KBTBD3: variants seen among roughly 807,000 people sequenced by gnomAD.
KBTBD3 encodes the protein kelch repeat and BTB domain-containing protein 3.
KBTBD3 carries 38 observed loss-of-function variants against 49.6 expected under a neutral mutation model. The observed-to-expected ratio is 0.77, with a 90% CI of 0.59 to 1.00. KBTBD3 has a LOEUF of 1.00. KBTBD3 is among the 50% of genes least tolerant of loss of function. The probability of loss-of-function intolerance (pLI) is 0.00; values close to 1 mark genes in which losing one functional copy is unlikely to be tolerated. For missense variants in KBTBD3, 661 were observed against 712.0 expected (o/e 0.93, Z 0.81); for synonymous variants, 214 against 250.4 (o/e 0.85, Z 1.37).
chr11:106,066,317 C>T (rs11826859), intron 2 of KBTBD3, among the ~76,000 whole-genome samples: 1 of 152,064 alleles, frequency 6.6e-6, no homozygotes, highest in Non-Finnish European at 1.5e-5. Flanking sequence ...AATGAAGGTA[C>T]CGGGATTTAT....
intron 2 of KBTBD3, among the ~76,000 whole-genome samples, chr11:106,066,927 G>A (rs2135016548): frequency 6.6e-6 from 1 of 152,162 alleles, no homozygotes; most frequent in Admixed American, 6.5e-5. Context: ...GATGAAAAGT[G>A]GAAAGATGAA....
intron 2 of KBTBD3, among the ~76,000 whole-genome samples, chr11:106,073,039 G>A (rs1302882228): frequency 4.6e-5 from 7 of 152,076 alleles, no homozygotes; most frequent in African/African-American, 1.7e-4. Context: ...AATAACAAAA[G>A]GGGTAACAGG....
Position 106,054,265 on chromosome 11 carries a change from T to C in KBTBD3, c.424A>G (p.Ser142Gly). Reference protein sequence around the residue: ...LQVSFLSKACSDFLIKSINLV... With the variant: ...LQVSFLSKACGDFLIKSINLV... ...TTAATACTTTTTATTAAAAAGTCAC[T>C]GCAAGCTTTGGATAGGAAGGAAACT... The change falls in exon 4 of 4, where the codon AGT becomes GGT. Residue 142 changes from serine to glycine, a missense_variant. Physicochemically the swap from Ser to Gly is moderately conservative, Grantham distance 56. Coordinates refer to ENST00000531837, the MANE Select transcript of KBTBD3 (RefSeq NM_198439.3). 2 of 1,612,644 alleles carry C rather than the reference T, an allele frequency of 1.2e-6. No individual in the cohort carries two copies. The highest frequency in any genetic ancestry group is 1.7e-6 in the Non-Finnish European group (2 of 1,179,278).
At chr11:106,055,783 G>T (rs1035589406) in intron 3 of KBTBD3, among the ~76,000 whole-genome samples, 1 of 151,962 alleles carries the variant, frequency 6.6e-6, no homozygotes, top group Non-Finnish European at 1.5e-5. Context: ...AGAATAAATG[G>T]GTTAACTGAT....
chr11:106,064,322 G>C (rs1860761947), intron 2 of KBTBD3, among the ~76,000 whole-genome samples: 1 of 152,028 alleles, frequency 6.6e-6, no homozygotes, highest in South Asian at 2.1e-4. Flanking sequence ...GAGGCGGGTG[G>C]ATCACCTCAG....
In KBTBD3 at chr11:106,053,921, G is replaced by C. The variant is rs977870484; in HGVS notation, c.768C>G (p.Phe256Leu). The C allele has an allele frequency of 1.2e-6, 2 of 1,613,856 alleles. No individual in the cohort carries two copies. Residue 256 changes from phenylalanine (F) to leucine (L), a missense_variant, in exon 4 of 4, where the codon TTC (phenylalanine) becomes TTG (leucine). Physicochemically the swap from Phe to Leu is conservative, Grantham distance 22. Coordinates refer to ENST00000531837, the MANE Select transcript of KBTBD3 (RefSeq NM_198439.3). ...TGCTTTTGAGTAAACTCTCTTCATT[G>C]AACAGACAGTCCTGAAGTGTCTCCT... The part of the protein sequence containing the change: ...LSEETLQDCL[F>L]NEESLLKSTN...
chr11:106,054,572 T>C, intron 3 of KBTBD3, 117 bp from the exon 4 acceptor site: 1 of 551,442 alleles, frequency 1.8e-6, no homozygotes, highest in Non-Finnish European at 2.8e-6. Context: ...AAAAGCATAT[T>C]TTAATTGCCT....
At chr11:106,061,502 G>A (rs1463596410) in intron 2 of KBTBD3, among the ~76,000 whole-genome samples, 1 of 152,178 alleles carries the variant, frequency 6.6e-6, no homozygotes, top group East Asian at 1.9e-4. Context: ...GTCTGTGAGA[G>A]TGTTCTAGAT....
At chr11:106,070,379 A>C (rs1482327494) in intron 2 of KBTBD3, among the ~76,000 whole-genome samples, 1 of 152,106 alleles carries the variant, frequency 6.6e-6, no homozygotes, top group Non-Finnish European at 1.5e-5. Flanking sequence ...CTATAAAGAA[A>C]TCTGAAAACT....
intron 2 of KBTBD3, among the ~76,000 whole-genome samples, chr11:106,071,556 G>A (rs1247122365): frequency 6.6e-6 from 1 of 152,038 alleles, no homozygotes; most frequent in African/African-American, 2.4e-5. Context: ...ATCACAGATA[G>A]CTATTCACTT....
intron 3 of KBTBD3, among the ~76,000 whole-genome samples, chr11:106,058,237 A>C (rs1035439150): frequency 7.2e-5 from 11 of 151,846 alleles, no homozygotes; most frequent in Admixed American, 5.9e-4. Context: ...ACAAAAAATT[A>C]GCCGGGTGTG....
rs766457117 is a variant in KBTBD3 at position 106,058,987 on chromosome 11, T to A, written c.111A>T (p.Lys37Asn). The stretch of plus-strand genomic sequence containing the variant: ...TAAAATTCTGTAGTACACTTAAGAT[T>A]TTTTGTCCATGATCTTCTGATACAA... ...NFLVSEDHGQ[K>N]ILSVLQNFRE... The change falls in exon 3 of 4, where the codon AAA becomes AAT. Residue 37 changes from lysine to asparagine, a missense_variant. Transcript: ENST00000531837. 21 of 1,552,714 alleles carry A rather than the reference T, an allele frequency of 1.4e-5. No homozygotes were observed. The highest frequency in any genetic ancestry group is 1.6e-5 in the Non-Finnish European group (19 of 1,159,724).
intron 2 of KBTBD3, among the ~76,000 whole-genome samples, chr11:106,069,097 T>TA (rs1370583082): frequency 4.6e-5 from 7 of 152,196 alleles, no homozygotes; most frequent in African/African-American, 1.7e-4. Flanking sequence ...AACCTATAGA[T>TA]AACATTATGC....
intron 2 of KBTBD3, among the ~76,000 whole-genome samples, chr11:106,069,824 T>C (rs1417681271): frequency 6.6e-6 from 1 of 151,852 alleles, no homozygotes; most frequent in African/African-American, 2.4e-5. Flanking sequence ...AAAAGAATAA[T>C]AATGAGGGAA....
intron 2 of KBTBD3, among the ~76,000 whole-genome samples, chr11:106,068,560 T>C (rs1478764551): frequency 1.3e-5 from 2 of 152,174 alleles, no homozygotes; most frequent in African/African-American, 2.4e-5. Context: ...ATATGAAATA[T>C]ATAATTTGAA....
At chr11:106,071,276 G>C (rs1860912975) in intron 2 of KBTBD3, among the ~76,000 whole-genome samples, 1 of 151,960 alleles carries the variant, frequency 6.6e-6, no homozygotes, top group African/African-American at 2.4e-5. Context: ...ACTTCCAAAA[G>C]AATAAAAACT....
chr11:106,058,053 C>G (rs1233044507), intron 3 of KBTBD3: 1 of 398,248 alleles, frequency 2.5e-6, no homozygotes, highest in Non-Finnish European at 4.4e-6. Context: ...CTGGGAAGAC[C>G]TATACGTTAA....
chr11:106,066,742 A>G (rs1434506614), intron 2 of KBTBD3, among the ~76,000 whole-genome samples: 2 of 151,832 alleles, frequency 1.3e-5, no homozygotes, highest in Non-Finnish European at 2.9e-5. Flanking sequence ...TTAAAAAAAA[A>G]AAAAACAAAA....
rs1280039456 is a variant in KBTBD3, at chr11:106,053,912, C to T, written c.777G>A (p.Glu259=). 1 of 1,613,842 alleles carries T rather than the reference C, an allele frequency of 6.2e-7. No individual in the cohort carries two copies. The highest frequency in any genetic ancestry group is 8.5e-7 in the Non-Finnish European group (1 of 1,179,908). Residue 259 remains glutamate (E), a synonymous_variant, in exon 4 of 4, where the codon GAG becomes GAA. Transcript: ENST00000531837. ...AACAGTTTGTGCTTTTGAGTAAACT[C>T]TCTTCATTGAACAGACAGTCCTGAA... is the stretch of plus-strand genomic sequence containing the variant. ...ETLQDCLFNE[E]SLLKSTNCFD... is the part of the protein sequence containing the mutation.
Sources: allele counts gnomAD v4.1 joint callset (sites outside exome capture counted in the v4.1 genomes callset), GRCh38; gene constraint gnomAD v4.1.1; transcripts MANE v1.5; gene names NCBI Gene and HGNC (gene_info 2026-07-23, HGNC 2026-07-21).